The following CELSR1 variants were observed in gnomAD, a reference collection of about 807,000 sequenced individuals.
CELSR1 encodes adhesion G protein-coupled receptor C1.
CELSR1 carries 110 observed loss-of-function variants against 249.1 expected under a neutral mutation model. The ratio of observed to expected loss-of-function variants is 0.44; its 90% CI spans 0.38 to 0.52. CELSR1 has a LOEUF of 0.52. CELSR1 is among the 20% of genes least tolerant of loss of function. The probability of loss-of-function intolerance (pLI) is 0.00; values close to 1 mark genes in which losing one functional copy is unlikely to be tolerated. For missense variants in CELSR1, 4,109 were observed against 4,296.4 expected (o/e 0.96, Z 1.22); for synonymous variants, 2,113 against 1,900.0 (o/e 1.11, Z -2.92).
In CELSR1 at chr22:46,396,854, C is replaced by T. The variant is rs1279265427; in HGVS notation, c.5702-108G>A. ...CCAGAAGATCTGACTTTCCCTGGTACTCAGCAGAGGGAAGAGGAAGAGTGC... is the reference window on the plus strand; with the variant it reads ...CCAGAAGATCTGACTTTCCCTGGTATTCAGCAGAGGGAAGAGGAAGAGTGC... On this transcript the variant is annotated intron_variant, in intron 12 of 34. Transcript: ENST00000674500. This position sits in a 1 kb window ranked among gnomAD's most constrained non-coding sequence, Gnocchi z 6.4. The T allele has an allele frequency of 3.5e-6, 5 of 1,423,500 alleles. No homozygotes were observed. Among genetic ancestry groups the T allele is most frequent in the Non-Finnish European group, 4.8e-6 (5 of 1,041,538 alleles). The allele number at this position is 1,423,500 out of a possible 1,614,324, so 88.2% of individuals were successfully genotyped here. A position where few individuals can be genotyped will look rare whatever the true frequency, so the allele number is the denominator to read the frequency against.
In CELSR1 at chr22:46,361,832, G is replaced by A. The variant is rs2078707663; in HGVS notation, c.*1391C>T. ...TTGGGCACCTGATTTGAAGAACAAA[G>A]GAAACGCTAAAATCAAACATGTCTG... On this transcript the variant is annotated 3_prime_UTR_variant, in exon 35 of 35. Coordinates refer to ENST00000674500, the MANE Select transcript of CELSR1 (RefSeq NM_001378328.1). 6.6e-6 allele frequency: 1 copy of A among 152,256 alleles called. No individual in the cohort carries two copies. Among genetic ancestry groups the A allele is most frequent in the Admixed American group, 6.5e-5 (1 of 15,292 alleles). 9.4% of individuals were successfully genotyped at this position (152,256 alleles called of 1,614,324 possible). A position where few individuals can be genotyped will look rare whatever the true frequency, so the allele number is the denominator to read the frequency against.
chr22:46,529,939 G>A (rs1300773696), intron 1 of CELSR1, among the ~76,000 whole-genome samples: 1 of 152,076 alleles, frequency 6.6e-6, no homozygotes, highest in Non-Finnish European at 1.5e-5. Flanking sequence ...ATGCTTGAGG[G>A]GATGGAGACC....
intron 1 of CELSR1, among the ~76,000 whole-genome samples, chr22:46,513,910 A>T (rs2080599245): frequency 6.8e-6 from 1 of 147,018 alleles, no homozygotes; most frequent in Admixed American, 6.7e-5. Flanking sequence ...CTCCTGCCTC[A>T]GCCCCCCCCG....
At chr22:46,425,381 G>C (rs561161740) in intron 5 of CELSR1, among the ~76,000 whole-genome samples, 1 of 152,314 alleles carries the variant, frequency 6.6e-6, no homozygotes, top group South Asian at 2.1e-4. Context: ...TTAAATATTT[G>C]TTAGAATTCT....
At chr22:46,458,773 G>A (rs943879359) in intron 2 of CELSR1, among the ~76,000 whole-genome samples, 4 of 152,222 alleles carry the variant, frequency 2.6e-5, no homozygotes, top group Non-Finnish European at 4.4e-5. Flanking sequence ...GAACTGGGAT[G>A]ACAACTGTCC....
At chr22:46,420,678 G>C (rs1460093283) in intron 5 of CELSR1, among the ~76,000 whole-genome samples, 1 of 152,158 alleles carries the variant, frequency 6.6e-6, no homozygotes, top group Non-Finnish European at 1.5e-5. Context: ...CAAAGTCATG[G>C]CCTGCTCCTG....
intron 1 of CELSR1, among the ~76,000 whole-genome samples, chr22:46,507,722 G>T (rs1180993433): frequency 6.6e-6 from 1 of 152,056 alleles, no homozygotes; most frequent in Non-Finnish European, 1.5e-5. Context: ...TGTGCCGCCC[G>T]AAGCCCCGCC....
Position 46,473,091 on chromosome 22 carries a change from G to A in CELSR1, c.3545-8746C>T, listed in dbSNP as rs1433957237. On this transcript the variant is annotated intron_variant, in intron 1 of 34. Transcript: ENST00000674500. The surrounding 1 kb of genome is among the most constrained non-coding windows in gnomAD (Gnocchi z 6.6). ...GGAGGCAGGGGGTGGGTGAACCTCC[G>A]ACTGCTGCCGGCCTCGTGGGCTCTC... is the stretch of plus-strand genomic sequence containing the variant. Among the ~76,000 whole-genome samples, 4 of 152,114 alleles carry A rather than the reference G, an allele frequency of 2.6e-5. No individual in the cohort carries two copies. The highest frequency in any genetic ancestry group is 5.9e-5 in the Non-Finnish European group (4 of 68,010).
Position 46,397,735 on chromosome 22 carries a change from G to GT in CELSR1, c.5639_5640insA (p.Cys1881LeufsTer5). 2 of 1,590,692 alleles carry GT rather than the reference G, an allele frequency of 1.3e-6. No individual in the cohort carries two copies. Among genetic ancestry groups the GT allele is most frequent in the Non-Finnish European group, 1.7e-6 (2 of 1,167,492 alleles). ...CGTGGCAGCGGCTATTGGGGGGACAGGGGCTCGAGGTACAGGGGTCGTCCA... is the reference window on the plus strand; with the variant it reads ...CGTGGCAGCGGCTATTGGGGGGACAGTGGGCTCGAGGTACAGGGGTCGTCCA... On this transcript the variant is annotated frameshift_variant, in exon 12 of 35. Transcript: ENST00000674500. LOFTEE classifies it high-confidence loss of function.
chr22:46,480,496 T>C (rs1215732156), intron 1 of CELSR1, among the ~76,000 whole-genome samples: 2 of 152,202 alleles, frequency 1.3e-5, no homozygotes, highest in Admixed American at 6.5e-5. Context: ...TTGTATAAAT[T>C]ACACAAAACC....
rs1026166362 is a variant in CELSR1, at chr22:46,409,871, G to A, written c.4943C>T (p.Ala1648Val). The A allele has an allele frequency of 2.5e-6, 4 of 1,613,112 alleles. No homozygotes were observed. Among genetic ancestry groups the A allele is most frequent in the Non-Finnish European group, 2.5e-6 (3 of 1,180,002 alleles). Residue 1648 changes from alanine (A) to valine (V), a missense_variant, in exon 8 of 35, where the codon GCT (alanine) becomes GTT (valine). Ala to Val is a moderately conservative substitution (Grantham distance 64, BLOSUM62 0). Around this residue, in one of 7 missense-constraint regions of CELSR1, gnomAD observed 453 missense variants for 492.0 expected, o/e 0.92. Transcript: ENST00000674500. The surrounding 1 kb of genome is among the most constrained non-coding windows in gnomAD (Gnocchi z 9.8). ...ANNGTREGCA[A>V]RRNFCDGRRC... ...CCTCCCATCGCAGAAGTTCCTCCGA[G>A]CAGCGCAGCCTGGCAACACAGAGCG...
intron 1 of CELSR1, among the ~76,000 whole-genome samples, chr22:46,530,742 A>C (rs2080783078): frequency 6.6e-6 from 1 of 152,212 alleles, no homozygotes. Flanking sequence ...CACAGTGTTC[A>C]ACCCCACGCC....
rs113144281 is a variant in CELSR1 at position 46,535,315 on chromosome 22, G to A, written c.1856C>T (p.Pro619Leu). The change falls in exon 1 of 35, where the codon CCT becomes CTT. Residue 619 changes from proline (P) to leucine (L), a missense_variant. This residue lies in a region of CELSR1 where 886 missense variants were observed against 896.5 expected (regional missense o/e 0.99). Coordinates refer to ENST00000674500, the MANE Select transcript of CELSR1 (RefSeq NM_001378328.1). ...STFLGGGSAG[P>L]KNPAPTPDFP... The stretch of plus-strand genomic sequence containing the variant: ...GTCAGGGGTGGGGGCAGGATTCTTA[G>A]GCCCAGCGCTGCCGCCCCCCAGAAA... The A allele has an allele frequency of 7.4e-6, 12 of 1,611,822 alleles. No individual in the cohort carries two copies. The highest frequency in any genetic ancestry group is 2.2e-5 in the East Asian group (1 of 44,888).
intron 14 of CELSR1, among the ~76,000 whole-genome samples, chr22:46,392,156 T>C (rs1014524705): frequency 6.6e-6 from 1 of 152,264 alleles, no homozygotes; most frequent in Non-Finnish European, 1.5e-5. Flanking sequence ...GGCGTTTTTT[T>C]AAAGTTGTTT....
intron 19 of CELSR1, 95 bp from the exon 20 acceptor site, chr22:46,384,781 G>T: frequency 7.6e-7 from 1 of 1,309,408 alleles, no homozygotes; most frequent in African/African-American, 1.5e-5. Flanking sequence ...ACTGACGCTG[G>T]CTGGCCATAT....
rs927246655 is a variant in CELSR1, at chr22:46,391,286, C to T, written c.6150G>A (p.Val2050=). The part of the protein sequence containing the change: ...FAEVTTLGCE[V]IYNGCPKAFE... Reference sequence around the variant, plus strand: ...ATGCTTTGGGACAGCCATTGTAGATCACTGGGGTAGAGAAGAGAGAAGTCT... The same window carrying T: ...ATGCTTTGGGACAGCCATTGTAGATTACTGGGGTAGAGAAGAGAGAAGTCT... Residue 2050 remains valine (V), a splice_region_variant and synonymous_variant, in exon 16 of 35, where the codon GTG becomes GTA. Transcript: ENST00000674500. This position sits in a 1 kb window ranked among gnomAD's most constrained non-coding sequence, Gnocchi z 4.3. 6 of 1,613,376 alleles carry T rather than the reference C, an allele frequency of 3.7e-6. No homozygotes were observed. The highest frequency in any genetic ancestry group is 1.7e-5 in the Admixed American group (1 of 60,002).
Position 46,361,687 on chromosome 22 carries a change from C to G in CELSR1, c.*1536G>C, listed in dbSNP as rs1328451768. ...TTCCTCTCCCATAGGCATCTGCTAACAGTGCTCACATTTTCATCAGGGTCA... is the reference window on the plus strand; with the variant it reads ...TTCCTCTCCCATAGGCATCTGCTAAGAGTGCTCACATTTTCATCAGGGTCA... On this transcript the variant is annotated 3_prime_UTR_variant, in exon 35 of 35. Transcript: ENST00000674500. 1 of 152,264 alleles carries G rather than the reference C, an allele frequency of 6.6e-6. No homozygotes were observed. The highest frequency in any genetic ancestry group is 1.5e-5 in the Non-Finnish European group (1 of 68,046). 9.4% of individuals were successfully genotyped at this position (152,264 alleles called of 1,614,324 possible).
At position 46,534,665 on chromosome 22, in the gene CELSR1, G is replaced by T. The variant is rs774322394; in HGVS notation, c.2506C>A (p.Arg836Ser). 2 of 1,613,794 alleles carry T rather than the reference G, an allele frequency of 1.2e-6. No individual in the cohort carries two copies. Among genetic ancestry groups the T allele is most frequent in the South Asian group, 2.2e-5 (2 of 91,088 alleles). The change falls in exon 1 of 35, where the codon CGC (arginine) becomes AGC (serine). Residue 836 changes from arginine (R) to serine (S), a missense_variant. This residue lies in a region of CELSR1 where 886 missense variants were observed against 896.5 expected (regional missense o/e 0.99). Coordinates refer to ENST00000674500, the MANE Select transcript of CELSR1 (RefSeq NM_001378328.1). The surrounding 1 kb of genome is among the most constrained non-coding windows in gnomAD (Gnocchi z 9.7). ...YVIQDPVPQF[R>S]IDPDSGTMYT... Reference sequence around the variant, plus strand: ...ATGGTGCCACTGTCGGGGTCAATGCGGAACTGCGGCACGGGGTCCTGAATC... The same window carrying T: ...ATGGTGCCACTGTCGGGGTCAATGCTGAACTGCGGCACGGGGTCCTGAATC...
Position 46,506,368 on chromosome 22 carries a change from C to T in CELSR1, c.3544+27259G>A, listed in dbSNP as rs2080515481. 6.6e-6 allele frequency among the ~76,000 whole-genome samples: 1 copy of T among 152,138 alleles called. No homozygotes were observed. The highest frequency in any genetic ancestry group is 1.5e-5 in the Non-Finnish European group (1 of 68,012). ...GTTGGGGTTTGGGGAGGCCCCACCT[C>T]CCTCCTCAGACTTACTGAGCCCCTC... On this transcript the variant is annotated intron_variant, in intron 1 of 34. Coordinates refer to ENST00000674500, the MANE Select transcript of CELSR1 (RefSeq NM_001378328.1). The surrounding 1 kb of genome is among the most constrained non-coding windows in gnomAD (Gnocchi z 4.1).
Sources: allele counts gnomAD v4.1 joint callset (sites outside exome capture counted in the v4.1 genomes callset), GRCh38; gene constraint gnomAD v4.1.1; regional missense constraint gnomAD v4.1.1; non-coding constraint Gnocchi (gnomAD v3.1); transcripts MANE v1.5; gene names NCBI Gene and HGNC (gene_info 2026-07-23, HGNC 2026-07-21).